The following GAD2 variants were observed in gnomAD, a reference collection of about 807,000 sequenced individuals.
GAD2 encodes the protein 65 kDa glutamic acid decarboxylase.
Under a neutral mutation model 80.1 loss-of-function variants are expected in GAD2, and 22 were observed. The ratio of observed to expected loss-of-function variants is 0.27; its 90% CI spans 0.20 to 0.39. The LOEUF is 0.39. Among genes scored for constraint, GAD2 ranks in the 10% least tolerant of loss-of-function variants. The pLI, the probability that GAD2 is intolerant of heterozygous loss-of-function variation, is 1.00. For missense variants in GAD2, 624 were observed against 738.4 expected (o/e 0.85, Z 1.80); for synonymous variants, 274 against 256.9 (o/e 1.07, Z -0.64).
intron 3 of GAD2, among the ~76,000 whole-genome samples, chr10:26,218,659 C>G (rs547470660): frequency 6.6e-6 from 1 of 151,766 alleles, no homozygotes; most frequent in South Asian, 2.1e-4. Context: ...TTGGTTTGCC[C>G]GAAGGCATTC....
At chr10:26,286,944 GTTACAAAGC>G (rs1302095311) in intron 13 of GAD2, among the ~76,000 whole-genome samples, 1 of 151,672 alleles carries the variant, frequency 6.6e-6, no homozygotes, top group African/African-American at 2.4e-5. Context: ...ATAACCTCTA[GTTACAAAGC>G]TTTTTATTTC....
chr10:26,260,317 A>G (rs1844994299), intron 8 of GAD2, among the ~76,000 whole-genome samples: 1 of 152,124 alleles, frequency 6.6e-6, no homozygotes, highest in Non-Finnish European at 1.5e-5. Context: ...ATTTGCACAT[A>G]TCCTTGTATT....
At chr10:26,256,644 T>C (rs1354366695) in intron 8 of GAD2, among the ~76,000 whole-genome samples, 2 of 152,248 alleles carry the variant, frequency 1.3e-5, no homozygotes, top group African/African-American at 2.4e-5. Flanking sequence ...TTTCCCATGA[T>C]TAGATTCAAG....
At chr10:26,297,168 C>T (rs563613689) in intron 15 of GAD2, among the ~76,000 whole-genome samples, 12 of 152,186 alleles carry the variant, frequency 7.9e-5, no homozygotes, top group East Asian at 1.9e-4. Flanking sequence ...CTTAAGTGAT[C>T]GGCTCACCTC....
At chr10:26,246,110 C>A in intron 8 of GAD2, 110 bp downstream of exon 8, 1 of 758,580 alleles carries the variant, frequency 1.3e-6, no homozygotes. Context: ...GTCCACCTCC[C>A]TCCCAGCCTC....
intron 13 of GAD2, among the ~76,000 whole-genome samples, chr10:26,287,860 G>T (rs1190786933): frequency 6.6e-6 from 1 of 152,082 alleles, no homozygotes; most frequent in Non-Finnish European, 1.5e-5. Flanking sequence ...TATACATTTG[G>T]CTCTAAGGTG....
chr10:26,217,730 C>G lies in GAD2; in HGVS notation c.136+61C>G. ...CCGCGGGGTCCAAGCAGTCTTCTCA[C>G]CTCCGCATCCCAGTCAGCGGAGTCG... On this transcript the variant is annotated intron_variant, in intron 2 of 15. Transcript: ENST00000376261. The surrounding 1 kb of genome is among the most constrained non-coding windows in gnomAD (Gnocchi z 4.9). The G allele has an allele frequency of 5.6e-6, 9 of 1,593,268 alleles. No homozygotes were observed. The highest frequency in any genetic ancestry group is 7.7e-6 in the Non-Finnish European group (9 of 1,168,186).
At chr10:26,288,683 T>G (rs1834177541) in intron 13 of GAD2, among the ~76,000 whole-genome samples, 1 of 152,192 alleles carries the variant, frequency 6.6e-6, no homozygotes. Context: ...TGTGCCAAGT[T>G]CTCTCTTACT....
At chr10:26,224,362 G>GA (rs954417866) in intron 5 of GAD2, among the ~76,000 whole-genome samples, 177 bp from the exon 6 acceptor site, 1 of 152,108 alleles carries the variant, frequency 6.6e-6, no homozygotes, top group Non-Finnish European at 1.5e-5. Flanking sequence ...TAGGGATATA[G>GA]AAAAAATAAA....
Position 26,292,956 on chromosome 10 carries a change from G to A in GAD2, c.1549G>A (p.Glu517Lys). ...WYIPPSLRTL[E>K]DNEERMSRLS... Reference sequence around the variant, plus strand: ...CATTCCTCCAAGCTTGCGTACTCTGGAAGACAATGAAGAGAGAATGAGTCG... The same window carrying A: ...CATTCCTCCAAGCTTGCGTACTCTGAAAGACAATGAAGAGAGAATGAGTCG... Residue 517 changes from glutamate (E) to lysine (K), a missense_variant, in exon 15 of 16, where the codon GAA (glutamate) becomes AAA (lysine). Coordinates refer to ENST00000376261, the MANE Select transcript of GAD2 (RefSeq NM_001134366.2). 6.2e-7 allele frequency: 1 copy of A among 1,613,794 alleles called. No individual in the cohort carries two copies. Among genetic ancestry groups the A allele is most frequent in the Non-Finnish European group, 8.5e-7 (1 of 1,179,890 alleles).
chr10:26,221,225 AT>A (rs1388960180), intron 4 of GAD2, among the ~76,000 whole-genome samples: 1 of 152,246 alleles, frequency 6.6e-6, no homozygotes, highest in Non-Finnish European at 1.5e-5. Context: ...ACTACCAGAC[AT>A]TTTAATACTC....
chr10:26,274,700 G>A (rs1413472248), intron 11 of GAD2, among the ~76,000 whole-genome samples: 1 of 152,250 alleles, frequency 6.6e-6, no homozygotes, highest in South Asian at 2.1e-4. Flanking sequence ...GGCCAGAGTG[G>A]CTGTGCAGAG....
chr10:26,230,019 A>G (rs1404591332), intron 7 of GAD2, among the ~76,000 whole-genome samples: 1 of 151,476 alleles, frequency 6.6e-6, no homozygotes, highest in East Asian at 1.9e-4. Flanking sequence ...TTCACAGAAA[A>G]TTTAAAAAAA....
intron 4 of GAD2, among the ~76,000 whole-genome samples, chr10:26,221,015 C>G (rs1053342339): frequency 2.0e-5 from 3 of 152,190 alleles, no homozygotes; most frequent in Non-Finnish European, 4.4e-5. Flanking sequence ...GATTTCTAAG[C>G]AAGGCATATC....
At chr10:26,252,598 G>A (rs1024671973) in intron 8 of GAD2, among the ~76,000 whole-genome samples, 1 of 151,978 alleles carries the variant, frequency 6.6e-6, no homozygotes, top group African/African-American at 2.4e-5. Context: ...TGATCCACCC[G>A]CCTTGGCCTC....
In GAD2 at chr10:26,284,465, G is replaced by A. The variant is rs769712044; in HGVS notation, c.1237-1880G>A. 2.8e-4 allele frequency among the ~76,000 whole-genome samples: 43 copies of A among 151,828 alleles called. 1 individual carries two copies. The highest frequency in any genetic ancestry group is 2.0e-4 in the Admixed American group (3 of 15,242). On this transcript the variant is annotated intron_variant, in intron 12 of 15. Transcript: ENST00000376261. ...CAGGATGGTCTATAACTTTTTCATG[G>A]CTCAGAACCAGGATATCATCTCACT...
chr10:26,248,616 G>GA (rs1266022368), intron 8 of GAD2, among the ~76,000 whole-genome samples: 1 of 152,138 alleles, frequency 6.6e-6, no homozygotes, highest in Non-Finnish European at 1.5e-5. Flanking sequence ...GCTAGTGCCT[G>GA]GAATTTCCCT....
rs112174991 is a variant in GAD2 at position 26,273,422 on chromosome 10, C to T, written c.1093-214C>T. Among the ~76,000 whole-genome samples the T allele has an allele frequency of 1.5e-3, 228 of 152,298 alleles. 2 individuals are homozygous for T. The highest frequency in any genetic ancestry group is 4.6e-3 in the African/African-American group (193 of 41,558). On this transcript the variant is annotated intron_variant, in intron 10 of 15. Transcript: ENST00000376261. ...TTCTACGGACCAGGAGCTATGCCTC[C>T]AAGGTGGCTCCTTACACCCATATAA...
chr10:26,260,179 T>C (rs1374312225), intron 8 of GAD2, among the ~76,000 whole-genome samples: 1 of 152,214 alleles, frequency 6.6e-6, no homozygotes, highest in Admixed American at 6.5e-5. Context: ...TTCAATACAA[T>C]TCTCATTCAC....
Sources: gnomAD v4.1 joint callset for allele counts (sites outside exome capture counted in the v4.1 genomes callset) on GRCh38, gnomAD v4.1.1 for gene constraint, Gnocchi (gnomAD v3.1) non-coding constraint, MANE v1.5 for transcripts, NCBI Gene and HGNC (gene_info 2026-07-23, HGNC 2026-07-21) for gene names.